CFAP61: variants seen among roughly 807,000 people sequenced by gnomAD.
The protein encoded by CFAP61 is cilia and flagella associated protein 61.
Under a neutral mutation model 135.6 loss-of-function variants are expected in CFAP61, and 107 were observed. The observed-to-expected ratio is 0.79, with a 90% CI of 0.67 to 0.93. CFAP61 has a LOEUF of 0.93. Ranked by LOEUF, CFAP61 falls within the 40% of genes least tolerant of loss-of-function variation. The pLI is 0.00. For missense variants in CFAP61, 1,507 were observed against 1,556.2 expected (o/e 0.97, Z 0.53); for synonymous variants, 575 against 578.5 (o/e 0.99, Z 0.09).
intron 17 of CFAP61, among the ~76,000 whole-genome samples, chr20:20,204,606 G>A (rs1473452519): frequency 7.2e-5 from 11 of 152,130 alleles, no homozygotes. Flanking sequence ...ATTTTCCCCA[G>A]CTTTATTGTT....
chr20:20,247,662 C>T (rs1009607753), intron 19 of CFAP61, among the ~76,000 whole-genome samples: 3 of 152,200 alleles, frequency 2.0e-5, no homozygotes, highest in African/African-American at 7.2e-5. Flanking sequence ...CATCGTAGAA[C>T]GTGCTGTGAT....
chr20:20,298,084 C>A, intron 24 of CFAP61, 97 bp from the exon 25 acceptor site: 1 of 795,422 alleles, frequency 1.3e-6, no homozygotes, highest in Non-Finnish European at 2.1e-6. Flanking sequence ...AAGATATAAC[C>A]TGTCTGTTAT....
chr20:20,180,094 GGAA>G lies in CFAP61; in HGVS notation c.1386-7832_1386-7830del, dbSNP rs377183977. Among the ~76,000 whole-genome samples, 66 of 152,244 alleles carry G rather than the reference GGAA, an allele frequency of 4.3e-4. No individual in the cohort carries two copies. The East Asian group carries it at 9.7e-3, about 22-fold the overall frequency. ...AGAGTGAACAGACAACCTATAGAAT[GGAA>G]GAAAAGTTTTGCAAACTATGCATCT... On this transcript the variant is annotated intron_variant, in intron 13 of 26. Transcript: ENST00000245957.
chr20:20,324,121 G>A (rs114631270), intron 25 of CFAP61, among the ~76,000 whole-genome samples: 1,668 of 152,024 alleles, frequency 0.011, 29 homozygotes, highest in African/African-American at 0.039. Context: ...CAATTCTTAT[G>A]CATTCAATGT....
intron 25 of CFAP61, among the ~76,000 whole-genome samples, chr20:20,304,253 A>G (rs1031944614): frequency 4.1e-5 from 6 of 145,916 alleles, no homozygotes; most frequent in Non-Finnish European, 9.1e-5. Context: ...GAGAGACAGA[A>G]CTAATCCACC....
chr20:20,215,458 A>G (rs1367872343), intron 17 of CFAP61, among the ~76,000 whole-genome samples: 1 of 152,240 alleles, frequency 6.6e-6, no homozygotes, highest in Non-Finnish European at 1.5e-5. Flanking sequence ...CCCATAGAAC[A>G]AGCATATTGG....
chr20:20,233,379 A>T (rs2049311494), intron 18 of CFAP61, among the ~76,000 whole-genome samples: 1 of 152,204 alleles, frequency 6.6e-6, no homozygotes, highest in Non-Finnish European at 1.5e-5. Flanking sequence ...TGCGCCTCGC[A>T]ATTGCCCTGT....
chr20:20,204,012 T>G (rs1437842231), intron 17 of CFAP61, among the ~76,000 whole-genome samples: 1 of 152,178 alleles, frequency 6.6e-6, no homozygotes, highest in Admixed American at 6.5e-5. Flanking sequence ...ATTTGTCATA[T>G]TACACTCCAG....
intron 11 of CFAP61, among the ~76,000 whole-genome samples, chr20:20,165,974 C>G (rs2053799690): frequency 6.6e-6 from 1 of 152,062 alleles, no homozygotes; most frequent in Non-Finnish European, 1.5e-5. Context: ...AATTTTGAAA[C>G]AGGAATTTGA....
chr20:20,150,015 A>G (rs115933820), intron 9 of CFAP61, among the ~76,000 whole-genome samples: 80 of 152,306 alleles, frequency 5.3e-4, no homozygotes, highest in African/African-American at 1.8e-3. Context: ...GGCTGCCTGT[A>G]GATAAACTTG....
At chr20:20,111,377 G>A (rs966140065) in intron 8 of CFAP61, among the ~76,000 whole-genome samples, 1 of 152,080 alleles carries the variant, frequency 6.6e-6, no homozygotes, top group Non-Finnish European at 1.5e-5. Flanking sequence ...CTTTTCTCAA[G>A]GTCCCCCAAA....
At chr20:20,331,877 G>C (rs895687445) in intron 25 of CFAP61, among the ~76,000 whole-genome samples, 2 of 152,186 alleles carry the variant, frequency 1.3e-5, no homozygotes, top group African/African-American at 4.8e-5. Flanking sequence ...GAAAATGGTT[G>C]TGCTCTCTAT....
intron 25 of CFAP61, among the ~76,000 whole-genome samples, chr20:20,307,863 T>A (rs2056573238): frequency 6.6e-6 from 1 of 152,192 alleles, no homozygotes; most frequent in Admixed American, 6.5e-5. Context: ...ATGGATCAGA[T>A]GCTTCCATAT....
intron 19 of CFAP61, among the ~76,000 whole-genome samples, chr20:20,249,677 C>T (rs765508566): frequency 2.6e-5 from 4 of 152,228 alleles, no homozygotes; most frequent in Non-Finnish European, 2.9e-5. Context: ...CAGAGCTTCA[C>T]ATTTTAACTC....
At chr20:20,146,440 A>G (rs959021652) in intron 9 of CFAP61, among the ~76,000 whole-genome samples, 2 of 152,226 alleles carry the variant, frequency 1.3e-5, no homozygotes, top group African/African-American at 4.8e-5. Flanking sequence ...ACTACTCCCA[A>G]CACTGCTGCT....
intron 25 of CFAP61, among the ~76,000 whole-genome samples, chr20:20,298,873 A>C (rs899916562): frequency 1.3e-5 from 2 of 152,216 alleles, no homozygotes; most frequent in Admixed American, 6.5e-5. Flanking sequence ...GGGAATTCCC[A>C]CACTGACAGG....
intron 8 of CFAP61, among the ~76,000 whole-genome samples, chr20:20,136,004 T>C (rs1482227241): frequency 2.0e-5 from 3 of 152,148 alleles, no homozygotes; most frequent in Non-Finnish European, 4.4e-5. Flanking sequence ...TTGCCAGATA[T>C]ACTATTCTAG....
At chr20:20,078,212 C>T (rs12624915) in intron 6 of CFAP61, among the ~76,000 whole-genome samples, 12,677 of 152,272 alleles carry the variant, frequency 0.083, 565 homozygotes, top group Middle Eastern at 0.15. Flanking sequence ...GCATGACCGA[C>T]CACCCAATCC....
chr20:20,227,311 T>C (rs991670153), intron 17 of CFAP61, among the ~76,000 whole-genome samples: 2 of 152,238 alleles, frequency 1.3e-5, no homozygotes, highest in South Asian at 2.1e-4. Context: ...TGGGATGAGG[T>C]GATAAGAATA....
Sources: allele counts gnomAD v4.1 joint callset (sites outside exome capture counted in the v4.1 genomes callset), GRCh38; gene constraint gnomAD v4.1.1; transcripts MANE v1.5; gene names NCBI Gene and HGNC (gene_info 2026-07-23, HGNC 2026-07-21).